The following PCDHGB2 variants were observed in gnomAD, a reference collection of about 807,000 sequenced individuals.
PCDHGB2 encodes protocadherin gamma-B2.
A neutral mutation model predicts 59.3 loss-of-function variants in PCDHGB2; 55 were observed. That is an observed-to-expected ratio of 0.93 (90% CI 0.75 to 1.16). The LOEUF is 1.16. PCDHGB2 is among the 50% of genes most tolerant of loss of function. PCDHGB2 has a pLI of 0.00. For missense variants in PCDHGB2, 1,228 were observed against 1,198.5 expected (o/e 1.02, Z -0.36); for synonymous variants, 516 against 512.0 (o/e 1.01, Z -0.11).
chr5:141,494,674 C>A lies in PCDHGB2; in HGVS notation c.2422-133C>A, dbSNP rs532644387. ...ATTTTGTCTTTGGAGATGAGTCCAC[C>A]CCTGCCCCCTCTTAGTCCGTTTTCT... is the stretch of plus-strand genomic sequence containing the variant. On this transcript the variant is annotated intron_variant, in intron 1 of 3. Transcript: ENST00000522605. 3.4e-5 allele frequency: 53 copies of A among 1,545,802 alleles called. No homozygotes were observed. In the African/African-American group the frequency reaches 6.5e-4, roughly 19 times the overall value.
In PCDHGB2 at chr5:141,490,242, T is replaced by G. The variant is rs2099697678; in HGVS notation, c.2422-4565T>G. 6.2e-7 allele frequency: 1 copy of G among 1,614,194 alleles called. No individual in the cohort carries two copies. The highest frequency in any genetic ancestry group is 8.5e-7 in the Non-Finnish European group (1 of 1,180,028). ...GACAGCCTGCCATGGAGGGCCACTG[T>G]GTGATTCAAGTGGATGTGGGGGATG... On this transcript the variant is annotated intron_variant, in intron 1 of 3. Transcript: ENST00000522605. The surrounding 1 kb of genome is among the most constrained non-coding windows in gnomAD (Gnocchi z 5.4).
intron 1 of PCDHGB2, among the ~76,000 whole-genome samples, chr5:141,446,167 G>A (rs1357034077): frequency 6.6e-6 from 1 of 152,188 alleles, no homozygotes; most frequent in African/African-American, 2.4e-5. Flanking sequence ...ATTTCATGAG[G>A]GCAGGGGGTG....
rs368785983 is a variant in PCDHGB2 at position 141,393,012 on chromosome 5, G to A, written c.2421+30456G>A. The A allele has an allele frequency of 1.4e-5, 23 of 1,613,724 alleles. No homozygotes were observed. Among genetic ancestry groups the A allele is most frequent in the Non-Finnish European group, 1.9e-5 (23 of 1,179,884 alleles). ...GCTGGCGAAGCACGGAGTCCGTATC[G>A]TCTCCAGAGGTAGGACGCAGCTCTT... On this transcript the variant is annotated intron_variant, in intron 1 of 3. Transcript: ENST00000522605.
Position 141,384,133 on chromosome 5 carries a change from C to T in PCDHGB2, c.2421+21577C>T, listed in dbSNP as rs770731491. 9.3e-6 allele frequency: 15 copies of T among 1,611,570 alleles called. No individual in the cohort carries two copies. Among genetic ancestry groups the T allele is most frequent in the Admixed American group, 1.7e-5 (1 of 59,646 alleles). On this transcript the variant is annotated intron_variant, in intron 1 of 3. Coordinates refer to ENST00000522605, the MANE Select transcript of PCDHGB2 (RefSeq NM_018923.3). ...ATTGGTCACAACCAAAAACTTGGAC[C>T]GGGAAACACTCTCTTTGTATAACAT... is the stretch of plus-strand genomic sequence containing the variant.
At chr5:141,415,055 C>G in intron 1 of PCDHGB2, 2 of 1,613,402 alleles carry the variant, frequency 1.2e-6, no homozygotes, top group East Asian at 2.2e-5. Flanking sequence ...GGGGAGCACA[C>G]GGGCGAGGTG....
Position 141,486,277 on chromosome 5 carries a change from G to A in PCDHGB2, c.2422-8530G>A, listed in dbSNP as rs1156704202. 6.2e-7 allele frequency: 1 copy of A among 1,614,020 alleles called. No individual in the cohort carries two copies. The highest frequency in any genetic ancestry group is 1.1e-5 in the South Asian group (1 of 91,056). ...CCGAGAGTGCAGAACCTGGCACTGT[G>A]GTGGCACTTATCAGTGTGCAGGATC... On this transcript the variant is annotated intron_variant, in intron 1 of 3. Transcript: ENST00000522605. The surrounding 1 kb of genome is among the most constrained non-coding windows in gnomAD (Gnocchi z 5.0).
chr5:141,500,618 C>T (rs554274946), intron 2 of PCDHGB2, among the ~76,000 whole-genome samples: 1 of 152,262 alleles, frequency 6.6e-6, no homozygotes, highest in South Asian at 2.1e-4. Flanking sequence ...CCCAGTCATA[C>T]GGTACATTTC....
rs1485167379 is a variant in PCDHGB2, at chr5:141,485,881, C to T, written c.2422-8926C>T. 5.0e-6 allele frequency: 8 copies of T among 1,613,984 alleles called. No homozygotes were observed. Among genetic ancestry groups the T allele is most frequent in the East Asian group, 2.2e-5 (1 of 44,880 alleles). On this transcript the variant is annotated intron_variant, in intron 1 of 3. Transcript: ENST00000522605. The surrounding 1 kb of genome is among the most constrained non-coding windows in gnomAD (Gnocchi z 5.7). ...TCCGGGTATCCGTGCTGGACGTAAACGACAACGCCCCAGCCTTCCAGCAAT... is the reference window on the plus strand; with the variant it reads ...TCCGGGTATCCGTGCTGGACGTAAATGACAACGCCCCAGCCTTCCAGCAAT...
At chr5:141,394,373 C>T in intron 1 of PCDHGB2, 12 of 1,614,206 alleles carry the variant, frequency 7.4e-6, no homozygotes, top group Non-Finnish European at 1.0e-5. Context: ...TGCAATCTTT[C>T]GACTATGAGC....
At chr5:141,426,919 C>A (rs1220443930) in intron 1 of PCDHGB2, 3 of 456,620 alleles carry the variant, frequency 6.6e-6, no homozygotes, top group African/African-American at 6.0e-5. Context: ...GTCCTGGAAG[C>A]AATGGACATG....
chr5:141,419,604 C>T (rs1279434352), intron 1 of PCDHGB2: 1 of 1,611,850 alleles, frequency 6.2e-7, no homozygotes, highest in East Asian at 2.2e-5. Flanking sequence ...CCGCGGGCCG[C>T]GCAGCCAGGC....
At chr5:141,499,966 G>A (rs1403177792) in intron 2 of PCDHGB2, among the ~76,000 whole-genome samples, 1 of 151,988 alleles carries the variant, frequency 6.6e-6, no homozygotes, top group African/African-American at 2.4e-5. Flanking sequence ...GGGATTACAG[G>A]TGTGAGCCAC....
chr5:141,420,188 A>G (rs775537913), intron 1 of PCDHGB2: 1 of 1,613,848 alleles, frequency 6.2e-7, no homozygotes, highest in South Asian at 1.1e-5. Context: ...TTGTCCAGCC[A>G]CACAAGATAA....
In PCDHGB2 at chr5:141,360,563, G is replaced by A. The variant is rs1194971714; in HGVS notation, c.428G>A (p.Gly143Asp). The A allele has an allele frequency of 6.2e-7, 1 of 1,613,864 alleles. No individual in the cohort carries two copies. The highest frequency in any genetic ancestry group is 8.5e-7 in the Non-Finnish European group (1 of 1,179,880). ...CAGACTAAGATTAATTTAAAAATTG[G>A]CGAATCCACTAAGCCAGGTACAACA... is the stretch of plus-strand genomic sequence containing the variant. ...FKQTKINLKIGESTKPGTTFP... is the reference protein window; with the variant it reads ...FKQTKINLKIDESTKPGTTFP... Residue 143 changes from glycine to aspartate, a missense_variant, in exon 1 of 4, where the codon GGC becomes GAC. By Grantham distance (94) the Gly-to-Asp change is moderately conservative. Around this residue, in one of 3 missense-constraint regions of PCDHGB2, gnomAD observed 781 missense variants for 721.6 expected, o/e 1.08. Transcript: ENST00000522605.
chr5:141,388,849 G>A, intron 1 of PCDHGB2: 1 of 1,614,026 alleles, frequency 6.2e-7, no homozygotes, highest in Non-Finnish European at 8.5e-7. Flanking sequence ...GCAAGGGACG[G>A]TGGAGGAATG....
chr5:141,418,748 A>G, intron 1 of PCDHGB2: 7 of 1,613,954 alleles, frequency 4.3e-6, no homozygotes, highest in East Asian at 2.2e-5. Context: ...TCTGGATTAC[A>G]CTACAGGAAA....
chr5:141,425,337 G>A (rs1327677274), intron 1 of PCDHGB2, among the ~76,000 whole-genome samples: 1 of 152,186 alleles, frequency 6.6e-6, no homozygotes. Flanking sequence ...AAAAAGGAAG[G>A]GTTGGCTTTG....
At position 141,487,501 on chromosome 5, in the gene PCDHGB2, T is replaced by C. The variant is rs746285663; in HGVS notation, c.2422-7306T>C. 1.2e-6 allele frequency: 2 copies of C among 1,614,232 alleles called. No individual in the cohort carries two copies. The highest frequency in any genetic ancestry group is 3.3e-5 in the Admixed American group (2 of 60,028). ...ACTCTCATGGCTGTACACCCTTGGC[T>C]TCTGCACCCACTCGGAGTGATAGCT... On this transcript the variant is annotated intron_variant, in intron 1 of 3. Coordinates refer to ENST00000522605, the MANE Select transcript of PCDHGB2 (RefSeq NM_018923.3). The surrounding 1 kb of genome is among the most constrained non-coding windows in gnomAD (Gnocchi z 5.0).
chr5:141,377,336 T>A (rs1773892905), intron 1 of PCDHGB2: 1 of 152,194 alleles, frequency 6.6e-6, no homozygotes, highest in South Asian at 2.1e-4. Context: ...GCTAGCATGG[T>A]GGTTCACGCC....
Sources: allele counts gnomAD v4.1 joint callset (sites outside exome capture counted in the v4.1 genomes callset), GRCh38; gene constraint gnomAD v4.1.1; regional missense constraint gnomAD v4.1.1; non-coding constraint Gnocchi (gnomAD v3.1); transcripts MANE v1.5; gene names NCBI Gene and HGNC (gene_info 2026-07-23, HGNC 2026-07-21).